Variants in FBN2 observed in about 807,000 individuals in gnomAD.
The protein encoded by FBN2 is fibrillin 2, also known as fibrillin-2.
In FBN2, 105 loss-of-function variants were observed where a neutral mutation model predicts 355.6. The ratio of observed to expected loss-of-function variants is 0.30; its 90% confidence interval spans 0.25 to 0.35. FBN2 has a LOEUF of 0.35. Among genes scored for constraint, FBN2 ranks in the 10% least tolerant of loss-of-function variants. FBN2 has a pLI of 1.00. For synonymous variants in FBN2, 1,350 were observed against 1,301.2 expected (o/e 1.04, Z -0.81); for missense variants, 3,280 against 3,758.7 (o/e 0.87, Z 3.33).
At chr5:128,337,899 G>T in intron 27 of FBN2, 98 bp downstream of exon 27, 5 of 1,339,842 alleles carry the variant, frequency 3.7e-6, no homozygotes, top group Non-Finnish European at 5.3e-6. Flanking sequence ...TAATAAGCTA[G>T]ATTTCATGTG....
Position 128,342,702 on chromosome 5 carries a change from C to G in FBN2, c.3343+1683G>C, listed in dbSNP as rs552610559. Among the ~76,000 whole-genome samples the G allele has an allele frequency of 4.0e-5, 6 of 151,388 alleles. No homozygotes were observed. The South Asian group carries it at 1.3e-3, about 32-fold the overall frequency. On this transcript the variant is annotated intron_variant, in intron 25 of 64. Coordinates refer to ENST00000262464, the MANE Select transcript of FBN2 (RefSeq NM_001999.4). Reference sequence around the variant, plus strand: ...AGCATCACACCTCATTCTCTGTCACCGGAGGAGAGGGAGTGGGGGATAAAG... The same window carrying G: ...AGCATCACACCTCATTCTCTGTCACGGGAGGAGAGGGAGTGGGGGATAAAG...
intron 63 of FBN2, among the ~76,000 whole-genome samples, chr5:128,262,342 A>G (rs2126794321): frequency 6.6e-6 from 1 of 152,324 alleles, no homozygotes. Context: ...TGCAGGGATG[A>G]GCCACAATCC....
intron 56 of FBN2, 74 bp from the exon 57 acceptor site, chr5:128,278,915 G>A: frequency 8.1e-7 from 1 of 1,239,392 alleles, no homozygotes; most frequent in Admixed American, 1.9e-5. Context: ...AATTAAGCAG[G>A]GCAGTCAAGA....
intron 57 of FBN2, among the ~76,000 whole-genome samples, chr5:128,278,258 A>T (rs1765445363): frequency 6.6e-6 from 1 of 152,110 alleles, no homozygotes; most frequent in Non-Finnish European, 1.5e-5. Context: ...TTTGCAATCT[A>T]AGCATGAATG....
chr5:128,290,703 G>A, intron 50 of FBN2, 29 bp downstream of exon 50: 1 of 1,611,714 alleles, frequency 6.2e-7, no homozygotes. Flanking sequence ...GGTACACAAA[G>A]TGCTGTCTGA....
intron 7 of FBN2, among the ~76,000 whole-genome samples, chr5:128,427,687 A>C (rs1753517183): frequency 6.6e-6 from 1 of 152,184 alleles, no homozygotes. Flanking sequence ...CAGTCAAACC[A>C]ATGTATAAGC....
chr5:128,378,940 T>C lies in FBN2; in HGVS notation c.1604-50A>G, dbSNP rs771553099. 5 of 1,610,138 alleles carry C rather than the reference T, an allele frequency of 3.1e-6. No homozygotes were observed. The Admixed American group carries it at 5.0e-5, about 16-fold the overall frequency. On this transcript the variant is annotated intron_variant, in intron 11 of 64. Coordinates refer to ENST00000262464, the MANE Select transcript of FBN2 (RefSeq NM_001999.4). ...ATAGACTTCACTCCATTTGTAGAAA[T>C]GTTTGTTTAAAGTACATTTAGTCCT...
chr5:128,271,956 T>C, intron 62 of FBN2, 43 bp downstream of exon 62: 1 of 1,610,030 alleles, frequency 6.2e-7, no homozygotes, highest in Non-Finnish European at 8.5e-7. Context: ...AGAGACACTT[T>C]CAGGTGAGAA....
intron 4 of FBN2, among the ~76,000 whole-genome samples, chr5:128,525,238 C>A (rs1008379511): frequency 5.3e-5 from 8 of 152,142 alleles, no homozygotes; most frequent in African/African-American, 1.9e-4. Flanking sequence ...CTCTACAGAG[C>A]AAAAGGATGT....
At chr5:128,454,147 C>A (rs768622282) in intron 6 of FBN2, among the ~76,000 whole-genome samples, 1 of 152,224 alleles carries the variant, frequency 6.6e-6, no homozygotes, top group Non-Finnish European at 1.5e-5. Context: ...GATTATGACA[C>A]TCAGAGTAAA....
chr5:128,300,670 T>C (rs1319561492), intron 48 of FBN2, 147 bp downstream of exon 48: 1 of 813,602 alleles, frequency 1.2e-6, no homozygotes, highest in Non-Finnish European at 2.1e-6. Context: ...TTTCTGATGG[T>C]TCAGTAAAAC....
At chr5:128,322,477 G>A (rs1207632112) in intron 34 of FBN2, among the ~76,000 whole-genome samples, 2 of 152,170 alleles carry the variant, frequency 1.3e-5, no homozygotes, top group South Asian at 2.1e-4. Flanking sequence ...GGAAAGAAAG[G>A]GGTGCAGTTT....
chr5:128,346,175 A>G (rs989489853), intron 23 of FBN2, among the ~76,000 whole-genome samples: 2 of 152,164 alleles, frequency 1.3e-5, no homozygotes, highest in African/African-American at 4.8e-5. Context: ...TTTCCCTCCA[A>G]CTTCAAAACA....
chr5:128,418,945 CAT>C (rs1753275111), intron 7 of FBN2, among the ~76,000 whole-genome samples: 1 of 152,144 alleles, frequency 6.6e-6, no homozygotes, highest in African/African-American at 2.4e-5. Flanking sequence ...AGAGTACTGC[CAT>C]CTTAACAATA....
chr5:128,451,239 T>C (rs529386087), intron 6 of FBN2, among the ~76,000 whole-genome samples: 1 of 152,164 alleles, frequency 6.6e-6, no homozygotes, highest in Admixed American at 6.5e-5. Context: ...ATTACAAAAG[T>C]CCAAAGTATT....
intron 5 of FBN2, among the ~76,000 whole-genome samples, chr5:128,511,136 T>C (rs1047079499): frequency 3.3e-5 from 5 of 152,232 alleles, no homozygotes; most frequent in African/African-American, 1.2e-4. Flanking sequence ...TTTGTACACA[T>C]AAATCATAAT....
chr5:128,440,482 C>T (rs905582475), intron 7 of FBN2, among the ~76,000 whole-genome samples: 1 of 152,126 alleles, frequency 6.6e-6, no homozygotes, highest in Non-Finnish European at 1.5e-5. Context: ...AAGAGCTACA[C>T]ACTTCTAAAC....
rs148971572 is a variant in FBN2 at position 128,464,741 on chromosome 5, C to T, written c.809G>A (p.Arg270His). The change falls in exon 6 of 65, where the codon CGC becomes CAC. Residue 270 changes from arginine to histidine, a missense_variant. This residue lies in a region of FBN2 where 343 missense variants were observed against 331.0 expected (regional missense o/e 1.04). Transcript: ENST00000262464. ...PCRRGFIPNIRTGACQDVDEC... is the reference protein window; with the variant it reads ...PCRRGFIPNIHTGACQDVDEC... ...TGACTCACCTTGGCAAGCTCCAGTGCGGATGTTGGGGATGAAACCCCGTCG... is the reference window on the plus strand; with the variant it reads ...TGACTCACCTTGGCAAGCTCCAGTGTGGATGTTGGGGATGAAACCCCGTCG... 169 of 1,613,598 alleles carry T rather than the reference C, an allele frequency of 1.0e-4. No individual in the cohort carries two copies. The highest frequency in any genetic ancestry group is 9.2e-4 in the African/African-American group (69 of 75,042).
intron 7 of FBN2, among the ~76,000 whole-genome samples, chr5:128,439,021 C>A (rs1208705277): frequency 6.6e-6 from 1 of 152,054 alleles, no homozygotes; most frequent in Non-Finnish European, 1.5e-5. Context: ...TTACAAATTG[C>A]CTTTGTCATG....
Sources: allele counts gnomAD v4.1 joint callset (sites outside exome capture counted in the v4.1 genomes callset), GRCh38; gene constraint gnomAD v4.1.1; regional missense constraint gnomAD v4.1.1; transcripts MANE v1.5; gene names NCBI Gene and HGNC (gene_info 2026-07-23, HGNC 2026-07-21).